The following QRSL1 variants were observed in gnomAD, a reference collection of about 807,000 sequenced individuals.
QRSL1 encodes the protein glutaminyl-tRNA amidotransferase subunit QRSL1.
A neutral mutation model predicts 61.6 loss-of-function variants in QRSL1; 54 were observed. That is an observed-to-expected ratio of 0.88 (90% CI 0.70 to 1.10). QRSL1 has a LOEUF of 1.10. Among genes scored for constraint, QRSL1 ranks in the 50% least tolerant of loss-of-function variants. The pLI is 0.00. For synonymous variants in QRSL1, 228 were observed against 225.7 expected (o/e 1.01, Z -0.09); for missense variants, 505 against 622.6 (o/e 0.81, Z 2.01).
intron 10 of QRSL1, among the ~76,000 whole-genome samples, chr6:106,664,713 C>T (rs552872229): frequency 1.3e-5 from 2 of 152,302 alleles, no homozygotes; most frequent in African/African-American, 4.8e-5. Flanking sequence ...TGTCAGGAAA[C>T]AGTTAATATC....
At chr6:106,632,414 C>T (rs979074395) in intron 1 of QRSL1, among the ~76,000 whole-genome samples, 2 of 151,684 alleles carry the variant, frequency 1.3e-5, no homozygotes, top group African/African-American at 4.8e-5. Context: ...TGGGGTCTCA[C>T]TATGTTGGCC....
intron 4 of QRSL1, 42 bp from the exon 5 acceptor site, chr6:106,648,983 A>G: frequency 1.1e-5 from 17 of 1,553,930 alleles, no homozygotes; most frequent in Non-Finnish European, 1.4e-5. Flanking sequence ...TTCACATAAA[A>G]TGAAAGTTTT....
At chr6:106,652,754 G>A in intron 7 of QRSL1, 172 bp downstream of exon 7, 1 of 1,516,582 alleles carries the variant, frequency 6.6e-7, no homozygotes, top group South Asian at 1.3e-5. Flanking sequence ...CTGTAAAATA[G>A]GAATAATAAA....
At position 106,634,945 on chromosome 6, in the gene QRSL1, G is replaced by A. The variant is rs147121017; in HGVS notation, c.24+5240G>A. Among the ~76,000 whole-genome samples, 512 of 152,184 alleles carry A rather than the reference G, an allele frequency of 3.4e-3. 5 individuals carry two copies. Among genetic ancestry groups the A allele is most frequent in the African/African-American group, 0.012 (480 of 41,520 alleles). ...TGGGCTAGGGCAGTTGGGGAAATGTGACATCAAGATGGGAAAACCTTAAAG... is the reference window on the plus strand; with the variant it reads ...TGGGCTAGGGCAGTTGGGGAAATGTAACATCAAGATGGGAAAACCTTAAAG... On this transcript the variant is annotated intron_variant, in intron 1 of 10. Transcript: ENST00000369046.
chr6:106,655,160 T>G lies in QRSL1; in HGVS notation c.1042+238T>G, dbSNP rs149493900. Reference sequence around the variant, plus strand: ...ATAACTCGAAGGGATAGTATCTTGTTGTCATATGCTCAGTCCCGCTAATGT... The same window carrying G: ...ATAACTCGAAGGGATAGTATCTTGTGGTCATATGCTCAGTCCCGCTAATGT... On this transcript the variant is annotated intron_variant, in intron 8 of 10. Coordinates refer to ENST00000369046, the MANE Select transcript of QRSL1 (RefSeq NM_018292.5). Among the ~76,000 whole-genome samples, 65 of 152,324 alleles carry G rather than the reference T, an allele frequency of 4.3e-4. 1 individual carries two copies. Among genetic ancestry groups the G allele is most frequent in the African/African-American group, 1.5e-3 (63 of 41,568 alleles).
intron 1 of QRSL1, among the ~76,000 whole-genome samples, chr6:106,639,536 C>T (rs1245969072): frequency 6.6e-6 from 1 of 152,200 alleles, no homozygotes; most frequent in Non-Finnish European, 1.5e-5. Context: ...CCTTTTCTCT[C>T]AGCTCCCATC....
At position 106,649,184 on chromosome 6, in the gene QRSL1, G is replaced by A. The variant is rs79895740; in HGVS notation, c.540G>A (p.Ser180=). The A allele has an allele frequency of 1.5e-3, 2,449 of 1,614,004 alleles. 38 individuals are homozygous for A. The African/African-American group carries it at 0.028, about 18-fold the overall frequency. Reference sequence around the variant, plus strand: ...CAGGTGGGAGTGCAGCTGCTGTATCGGCGTTCACATGCTACGCGTAAGATG... The same window carrying A: ...CAGGTGGGAGTGCAGCTGCTGTATCAGCGTTCACATGCTACGCGTAAGATG... ...GSSGGSAAAV[S]AFTCYAALGS... Residue 180 remains serine, a synonymous_variant, in exon 5 of 11, where the codon TCG becomes TCA. Transcript: ENST00000369046.
rs1777466314 is a variant in QRSL1, at chr6:106,667,880, T to A, written c.*1878T>A. On this transcript the variant is annotated 3_prime_UTR_variant, in exon 11 of 11. Coordinates refer to ENST00000369046, the MANE Select transcript of QRSL1 (RefSeq NM_018292.5). Reference sequence around the variant, plus strand: ...TCCTAGATGGAGGAAACCATTTTAGTTGAAGGAGCAAATATGATGTCAAAA... The same window carrying A: ...TCCTAGATGGAGGAAACCATTTTAGATGAAGGAGCAAATATGATGTCAAAA... The A allele has an allele frequency of 6.6e-6, 1 of 151,884 alleles. No homozygotes were observed. Among genetic ancestry groups the A allele is most frequent in the Admixed American group, 6.6e-5 (1 of 15,228 alleles). 9.4% of individuals were successfully genotyped at this position (151,884 alleles called of 1,614,324 possible).
At chr6:106,664,500 G>A (rs1285326392) in intron 10 of QRSL1, among the ~76,000 whole-genome samples, 2 of 152,138 alleles carry the variant, frequency 1.3e-5, no homozygotes, top group Non-Finnish European at 2.9e-5. Context: ...AGAATGTGTT[G>A]ATTTCCCTTT....
intron 1 of QRSL1, among the ~76,000 whole-genome samples, chr6:106,633,359 C>T (rs111913806): frequency 4.1e-4 from 63 of 152,126 alleles, no homozygotes; most frequent in African/African-American, 1.5e-3. Flanking sequence ...GTACAGATGC[C>T]TGGGAAGGTT....
At position 106,640,510 on chromosome 6, in the gene QRSL1, T is replaced by A; in HGVS notation, c.184+2T>A. On this transcript the variant is annotated splice_donor_variant, in intron 2 of 10. Transcript: ENST00000369046. LOFTEE classifies it high-confidence loss of function. ...AATCAGAAAAGAGATATAAGAATGGTAAATTGCTTTTAACTATACTTAATT... is the reference window on the plus strand; with the variant it reads ...AATCAGAAAAGAGATATAAGAATGGAAAATTGCTTTTAACTATACTTAATT... The A allele has an allele frequency of 6.4e-7, 1 of 1,556,222 alleles. No homozygotes were observed. The highest frequency in any genetic ancestry group is 8.7e-7 in the Non-Finnish European group (1 of 1,155,834).
intron 1 of QRSL1, among the ~76,000 whole-genome samples, chr6:106,634,714 C>G (rs557887405): frequency 4.0e-5 from 6 of 151,142 alleles, no homozygotes; most frequent in South Asian, 2.1e-4. Context: ...TGCAGTGAGG[C>G]GAGATCACAT....
Position 106,640,874 on chromosome 6 carries a change from T to G in QRSL1, c.236T>G (p.Phe79Cys), listed in dbSNP as rs1318802468. Reference sequence around the variant, plus strand: ...ATTCCTATTGCAGTAAAAGACAATTTCAGCACTTCTGGCATTGAGACAACA... The same window carrying G: ...ATTCCTATTGCAGTAAAAGACAATTGCAGCACTTCTGGCATTGAGACAACA... ...DGIPIAVKDNFSTSGIETTCA... is the reference protein window; with the variant it reads ...DGIPIAVKDNCSTSGIETTCA... Residue 79 changes from phenylalanine to cysteine, a missense_variant, in exon 3 of 11, where the codon TTC becomes TGC. By Grantham distance (205) the Phe-to-Cys change is radical. Coordinates refer to ENST00000369046, the MANE Select transcript of QRSL1 (RefSeq NM_018292.5). 1 of 1,613,796 alleles carries G rather than the reference T, an allele frequency of 6.2e-7. No homozygotes were observed. Among genetic ancestry groups the G allele is most frequent in the Non-Finnish European group, 8.5e-7 (1 of 1,179,908 alleles).
intron 10 of QRSL1, among the ~76,000 whole-genome samples, chr6:106,664,019 C>T (rs1183274580): frequency 6.6e-6 from 1 of 152,112 alleles, no homozygotes; most frequent in African/African-American, 2.4e-5. Context: ...GACACTTCAC[C>T]CCTAAATTCT....
At chr6:106,647,648 A>ATT (rs1336556151) in intron 4 of QRSL1, among the ~76,000 whole-genome samples, 1 of 64,308 alleles carries the variant, frequency 1.6e-5, no homozygotes, top group Admixed American at 2.1e-4. Context: ...GCCATAAAGT[A>ATT]CTTTTTTTTT....
At chr6:106,646,330 A>G (rs902074906) in intron 4 of QRSL1, among the ~76,000 whole-genome samples, 6 of 152,194 alleles carry the variant, frequency 3.9e-5, no homozygotes, top group African/African-American at 7.2e-5. Flanking sequence ...AATATCACCT[A>G]TGTAATATTC....
In QRSL1 at chr6:106,647,556, C is replaced by CAAAA. The variant is rs56935677; in HGVS notation, c.381-1456_381-1453dup. 1.5e-3 allele frequency among the ~76,000 whole-genome samples: 110 copies of CAAAA among 75,470 alleles called. 3 individuals carry two copies. The highest frequency in any genetic ancestry group is 1.8e-3 in the African/African-American group (34 of 18,644). The allele number at this position is 75,470 out of a possible 152,430, so 49.5% of individuals were successfully genotyped here. ...CCTGGGCAATAGAGCGAGACTGTCT[C>CAAAA]AAAAAAAAAAAAAAAAGAGAGAGAC... On this transcript the variant is annotated intron_variant, in intron 4 of 10. Coordinates refer to ENST00000369046, the MANE Select transcript of QRSL1 (RefSeq NM_018292.5).
chr6:106,641,555 A>G (rs1322685946), intron 3 of QRSL1, among the ~76,000 whole-genome samples: 1 of 152,224 alleles, frequency 6.6e-6, no homozygotes, highest in Non-Finnish European at 1.5e-5. Context: ...TTTGGATCCT[A>G]GGAAGAAACA....
chr6:106,654,456 C>T (rs1242636441), intron 7 of QRSL1, among the ~76,000 whole-genome samples: 3 of 132,740 alleles, frequency 2.3e-5, no homozygotes, highest in African/African-American at 7.9e-5. Context: ...ACATAATGAG[C>T]ATTTAACAAA....
Sources: allele counts gnomAD v4.1 joint callset (sites outside exome capture counted in the v4.1 genomes callset), GRCh38; gene constraint gnomAD v4.1.1; transcripts MANE v1.5; gene names NCBI Gene and HGNC (gene_info 2026-07-23, HGNC 2026-07-21).